The following DUSP9 variants were observed in gnomAD, a reference collection of about 807,000 sequenced individuals.
DUSP9 encodes dual specificity protein phosphatase 9.
Under a neutral mutation model 13.2 loss-of-function variants are expected in DUSP9, and 4 were observed. The observed-to-expected ratio is 0.30, with a 90% CI of 0.15 to 0.69. The LOEUF is 0.69. Ranked by LOEUF, DUSP9 falls within the 30% of genes least tolerant of loss-of-function variation. The pLI is 0.73. For missense variants in DUSP9, 263 were observed against 355.0 expected (o/e 0.74, Z 2.08); for synonymous variants, 166 against 172.3 (o/e 0.96, Z 0.29).
At chrX:153,644,194 A>G (rs1363876222), upstream of DUSP9, among the ~76,000 whole-genome samples, 4 of 100,301 alleles carry the variant, frequency 4.0e-5, no homozygotes, top group Non-Finnish European at 8.1e-5. Flanking sequence ...CAGAGGGCGC[A>G]CGCGGCGCGC....
In DUSP9 at chrX:153,651,254, GT is replaced by G. The variant is rs1187680511; in HGVS notation, c.*954del. 1 of 112,880 alleles carries G rather than the reference GT, an allele frequency of 8.9e-6. No individual in the cohort carries two copies. The highest frequency in any genetic ancestry group is 3.2e-5 in the African/African-American group (1 of 31,069). 9.3% of individuals were successfully genotyped at this position (112,880 alleles called of 1,213,427 possible). On this transcript the variant is annotated 3_prime_UTR_variant, in exon 4 of 4. Coordinates refer to ENST00000342782, the MANE Select transcript of DUSP9 (RefSeq NM_001318503.2). ...GCCTGGAGAGGATCTATGCTTGTTT[GT>G]TTTTGTAATCCATATCATAGTTGCT... is the stretch of plus-strand genomic sequence containing the variant.
chrX:153,647,715 G>A, intron 1 of DUSP9: 1 of 278,290 alleles, frequency 3.6e-6, no homozygotes, highest in Admixed American at 6.4e-5. Flanking sequence ...GATGAGCCTC[G>A]AAGGGGCGGT....
In DUSP9 at chrX:153,650,092, C is replaced by T. The variant is rs782456207; in HGVS notation, c.942C>T (p.Asn314=). Residue 314 remains asparagine, a synonymous_variant, in exon 4 of 4, where the codon AAC becomes AAT. Coordinates refer to ENST00000342782, the MANE Select transcript of DUSP9 (RefSeq NM_001318503.2). ...YLMQKLHLSL[N]DAYDLVKRKK... is the part of the protein sequence containing the mutation. ...TGCAGAAGCTCCACCTCTCTCTCAA[C>T]GATGCCTATGACCTGGTCAAGAGGA... 1.5e-5 allele frequency: 18 copies of T among 1,210,299 alleles called. No homozygotes were observed. The highest frequency in any genetic ancestry group is 4.6e-4 in the Middle Eastern group (2 of 4,374).
In DUSP9 at chrX:153,649,436, C is replaced by T; in HGVS notation, c.578C>T (p.Thr193Ile). 2 of 1,211,720 alleles carry T rather than the reference C, an allele frequency of 1.7e-6. No homozygotes were observed. The highest frequency in any genetic ancestry group is 2.2e-6 in the Non-Finnish European group (2 of 895,562). ...TGTGGCCTGGATTCGGAGGGTGCCACACCCCCACCAGTGGGGCTGCGGGCA... is the reference window on the plus strand; with the variant it reads ...TGTGGCCTGGATTCGGAGGGTGCCATACCCCCACCAGTGGGGCTGCGGGCA... Reference protein sequence around the residue: ...MSCGLDSEGATPPPVGLRASF... With the variant: ...MSCGLDSEGAIPPPVGLRASF... Residue 193 changes from threonine to isoleucine, a missense_variant, in exon 3 of 4, where the codon ACA (threonine) becomes ATA (isoleucine). By Grantham distance (89) the Thr-to-Ile change is moderately conservative. Coordinates refer to ENST00000342782, the MANE Select transcript of DUSP9 (RefSeq NM_001318503.2).
At chrX:153,649,768 GC>G in intron 3 of DUSP9, 81 bp downstream of exon 3, 2 of 878,748 alleles carry the variant, frequency 2.3e-6, no homozygotes, top group South Asian at 4.7e-5. Flanking sequence ...CTCCTCCCAA[GC>G]CCCGCTGCCA....
chrX:153,649,962 C>G lies in DUSP9; in HGVS notation c.830-18C>G, dbSNP rs201821123. On this transcript the variant is annotated intron_variant, in intron 3 of 3. Coordinates refer to ENST00000342782, the MANE Select transcript of DUSP9 (RefSeq NM_001318503.2). ...GCCTGCCCTCCGGGTCTCCCGGGCCCTTTCCTGCCCCATCTAGATGAGGCC... is the reference window on the plus strand; with the variant it reads ...GCCTGCCCTCCGGGTCTCCCGGGCCGTTTCCTGCCCCATCTAGATGAGGCC... 3 of 1,197,830 alleles carry G rather than the reference C, an allele frequency of 2.5e-6. No homozygotes were observed. The highest frequency in any genetic ancestry group is 3.0e-5 in the East Asian group (1 of 33,629).
upstream of DUSP9, among the ~76,000 whole-genome samples, chrX:153,644,762 C>G (rs1408503516): frequency 3.6e-5 from 4 of 112,372 alleles, no homozygotes; most frequent in Non-Finnish European, 7.5e-5. Context: ...CCCTTGGATC[C>G]TAGGCTTCCC....
rs1430171940 is a variant in DUSP9 at position 153,649,965 on chromosome X, T to C, written c.830-15T>C. On this transcript the variant is annotated splice_polypyrimidine_tract_variant and intron_variant, in intron 3 of 3. Transcript: ENST00000342782. ...TGCCCTCCGGGTCTCCCGGGCCCTT[T>C]CCTGCCCCATCTAGATGAGGCCTTG... is the stretch of plus-strand genomic sequence containing the variant. The C allele has an allele frequency of 2.5e-6, 3 of 1,200,540 alleles. No individual in the cohort carries two copies. The Admixed American group carries it at 6.6e-5, about 26-fold the overall frequency.
upstream of DUSP9, chrX:153,643,357 C>T: frequency 3.3e-6 from 1 of 300,264 alleles, no homozygotes; most frequent in Non-Finnish European, 6.5e-6. Context: ...CACGCGGGCT[C>T]TAGAGGCTGC....
intron 3 of DUSP9, 101 bp from the exon 4 acceptor site, chrX:153,649,879 G>T (rs1603188818): frequency 3.9e-6 from 4 of 1,036,352 alleles, no homozygotes; most frequent in Non-Finnish European, 5.2e-6. Context: ...TGGCCATCTG[G>T]CCCAGGGGGC....
At chrX:153,646,597 G>A (rs781994875), upstream of DUSP9, among the ~76,000 whole-genome samples, 3 of 111,798 alleles carry the variant, frequency 2.7e-5, no homozygotes, top group Non-Finnish European at 5.7e-5. Flanking sequence ...AATGTGATAA[G>A]AGCAGAGTGC....
In DUSP9 at chrX:153,650,862, T is replaced by C. The variant is rs1181318257; in HGVS notation, c.*557T>C. On this transcript the variant is annotated 3_prime_UTR_variant, in exon 4 of 4. Coordinates refer to ENST00000342782, the MANE Select transcript of DUSP9 (RefSeq NM_001318503.2). Reference sequence around the variant, plus strand: ...CACATCTGGTGGGCTGTTTTGTTTTTTTTTTTTCCTCTTCCCCCAGATGTC... The same window carrying C: ...CACATCTGGTGGGCTGTTTTGTTTTCTTTTTTTCCTCTTCCCCCAGATGTC... 9.0e-6 allele frequency: 1 copy of C among 110,822 alleles called. No individual in the cohort carries two copies. The highest frequency in any genetic ancestry group is 3.3e-5 in the African/African-American group (1 of 30,461). The allele number at this position is 110,822 out of a possible 1,213,427, so 9.1% of individuals were successfully genotyped here.
In DUSP9 at chrX:153,650,366, T is replaced by C; in HGVS notation, c.*61T>C. On this transcript the variant is annotated 3_prime_UTR_variant, in exon 4 of 4. Coordinates refer to ENST00000342782, the MANE Select transcript of DUSP9 (RefSeq NM_001318503.2). ...CCCACCCACGGGTGTCCCTGCCCACTCGTGTGGCAAGGGAGGGGAGGGCAG... is the reference window on the plus strand; with the variant it reads ...CCCACCCACGGGTGTCCCTGCCCACCCGTGTGGCAAGGGAGGGGAGGGCAG... 1.1e-6 allele frequency: 1 copy of C among 901,556 alleles called. No homozygotes were observed. The highest frequency in any genetic ancestry group is 1.5e-6 in the Non-Finnish European group (1 of 660,279). 74.3% of individuals were successfully genotyped at this position (901,556 alleles called of 1,213,427 possible). A position where few individuals can be genotyped will look rare whatever the true frequency, so the allele number is the denominator to read the frequency against.
intron 2 of DUSP9, 137 bp from the exon 3 acceptor site, chrX:153,649,095 G>A: frequency 1.7e-6 from 1 of 604,667 alleles, no homozygotes; most frequent in Non-Finnish European, 2.5e-6. Context: ...GACACACCAA[G>A]CTGCTGGGTT....
At position 153,650,619 on chromosome X, in the gene DUSP9, C is replaced by T. The variant is rs2091212246; in HGVS notation, c.*314C>T. 1.2e-5 allele frequency: 3 copies of T among 247,596 alleles called. No individual in the cohort carries two copies. Among genetic ancestry groups the T allele is most frequent in the Admixed American group, 1.3e-4 (2 of 15,477 alleles). 20.4% of individuals were successfully genotyped at this position (247,596 alleles called of 1,213,427 possible). ...CTCGGCTAGGCCCTGCGCCTCCCTG[C>T]GCTTCCCCCTTCAGGAAGGGTGTGT... On this transcript the variant is annotated 3_prime_UTR_variant, in exon 4 of 4. Transcript: ENST00000342782.
Position 153,650,667 on chromosome X carries a change from C to CAGTCCCGCCCCGGTCCCCA in DUSP9, c.*365_*366insCCCGCCCCGGTCCCCAAGT. On this transcript the variant is annotated 3_prime_UTR_variant, in exon 4 of 4. Transcript: ENST00000342782. ...TGTGCCACCTCGTTGCACTGGATCC[C>CAGTCCCGCCCCGGTCCCCA]AGTGGCTGCTTGGGGGAGAGGCGTT... 4 of 166,695 alleles carry CAGTCCCGCCCCGGTCCCCA rather than the reference C, an allele frequency of 2.4e-5. No individual in the cohort carries two copies. The highest frequency in any genetic ancestry group is 3.4e-5 in the Non-Finnish European group (3 of 87,153). 13.7% of individuals were successfully genotyped at this position (166,695 alleles called of 1,213,427 possible).
At chrX:153,644,394 G>C (rs1387442894), upstream of DUSP9, among the ~76,000 whole-genome samples, 1 of 106,640 alleles carries the variant, frequency 9.4e-6, no homozygotes, top group Non-Finnish European at 2.0e-5. Context: ...GACGAGGCCC[G>C]GGCGCGCGGC....
Position 153,649,700 on chromosome X carries a change from C to A in DUSP9, c.829+13C>A, listed in dbSNP as rs1557036157. On this transcript the variant is annotated intron_variant, in intron 3 of 3. Coordinates refer to ENST00000342782, the MANE Select transcript of DUSP9 (RefSeq NM_001318503.2). ...ATTGAGTTCATTGGTGAGTCCACCC[C>A]ACCCACCCTTCCCTCCTGTCCTCCC... 1.7e-6 allele frequency: 2 copies of A among 1,167,484 alleles called. No individual in the cohort carries two copies. Among genetic ancestry groups the A allele is most frequent in the Non-Finnish European group, 2.3e-6 (2 of 866,591 alleles).
At position 153,649,082 on chromosome X, in the gene DUSP9, C is replaced by T. The variant is rs2091201149; in HGVS notation, c.374-150C>T. 9.1e-6 allele frequency: 5 copies of T among 551,475 alleles called. No individual in the cohort carries two copies. The East Asian group carries it at 1.8e-4, about 20-fold the overall frequency. The allele number at this position is 551,475 out of a possible 1,213,427, so 45.4% of individuals were successfully genotyped here. On this transcript the variant is annotated intron_variant, in intron 2 of 3. Transcript: ENST00000342782. ...GGTGGCTAGGGCCCCACGTGGGTAC[C>T]AGGACACACCAAGCTGCTGGGTTTT...
Sources: gnomAD v4.1 joint callset for allele counts (sites outside exome capture counted in the v4.1 genomes callset) on GRCh38, gnomAD v4.1.1 for gene constraint, MANE v1.5 for transcripts, NCBI Gene and HGNC (gene_info 2026-07-23, HGNC 2026-07-21) for gene names.